The following DYM variants were observed in gnomAD, a reference collection of about 807,000 sequenced individuals.
The protein encoded by DYM is dymeclin.
A neutral mutation model predicts 93.1 loss-of-function variants in DYM; 78 were observed. The ratio of observed to expected loss-of-function variants is 0.84; its 90% CI spans 0.70 to 1.01. DYM has a LOEUF of 1.01. DYM is among the 50% of genes least tolerant of loss of function. The probability of loss-of-function intolerance (pLI) is 0.00; values close to 1 mark genes in which losing one functional copy is unlikely to be tolerated. For missense variants in DYM, 789 were observed against 845.0 expected, an observed-to-expected ratio of 0.93 and a Z score of 0.82; for synonymous variants, 321 against 319.7, an observed-to-expected ratio of 1.00 and a Z score of -0.04.
chr18:49,395,628 TA>T (rs138858038), intron 2 of DYM, among the ~76,000 whole-genome samples: 299 of 134,304 alleles, frequency 2.2e-3, no homozygotes, highest in Middle Eastern at 3.8e-3. Context: ...AAACTCTGTC[TA>T]AAAAAAAAAA....
intron 14 of DYM, among the ~76,000 whole-genome samples, chr18:49,202,122 G>A (rs1432358658): frequency 6.6e-6 from 1 of 152,224 alleles, no homozygotes; most frequent in Non-Finnish European, 1.5e-5. Context: ...CACCACGCAC[G>A]TTGGGTAGTC....
rs569741610 is a variant in DYM, at chr18:49,281,752, A to G, written c.1125+245T>C. Among the ~76,000 whole-genome samples, 3 of 152,286 alleles carry G rather than the reference A, an allele frequency of 2.0e-5. No individual in the cohort carries two copies. In the East Asian group the frequency reaches 5.8e-4, roughly 29 times the overall value. On this transcript the variant is annotated intron_variant, in intron 10 of 17. Transcript: ENST00000675505. ...CTCACTCATAGGTGGGAACTGAACA[A>G]TGAGAATACATGGACACAGGAAGGG...
chr18:49,331,534 T>C (rs925674304), intron 8 of DYM, among the ~76,000 whole-genome samples: 53 of 152,258 alleles, frequency 3.5e-4, no homozygotes, highest in Admixed American at 3.5e-3. Context: ...GATTTCCTCT[T>C]ATAATACAAG....
intron 14 of DYM, among the ~76,000 whole-genome samples, chr18:49,177,769 C>G (rs1374905518): frequency 6.6e-6 from 1 of 152,026 alleles, no homozygotes; most frequent in African/African-American, 2.4e-5. Context: ...AATACAAGTT[C>G]AAGGGCACAG....
intron 17 of DYM, among the ~76,000 whole-genome samples, chr18:49,078,206 A>C (rs1031936567): frequency 6.6e-6 from 1 of 152,208 alleles, no homozygotes; most frequent in Non-Finnish European, 1.5e-5. Flanking sequence ...GACCATAGTC[A>C]GTAAAAACTG....
At chr18:49,075,408 C>T (rs969495053) in intron 17 of DYM, among the ~76,000 whole-genome samples, 1 of 152,212 alleles carries the variant, frequency 6.6e-6, no homozygotes, top group Admixed American at 6.5e-5. Context: ...CATCCCATTA[C>T]TCCTTATCCC....
intron 2 of DYM, among the ~76,000 whole-genome samples, chr18:49,417,228 A>C (rs1176773852): frequency 6.6e-6 from 1 of 151,878 alleles, no homozygotes; most frequent in Non-Finnish European, 1.5e-5. Flanking sequence ...TAGTCACTAC[A>C]ACCTTGAACT....
At chr18:49,261,473 C>A (rs2094489639) in intron 11 of DYM, among the ~76,000 whole-genome samples, 1 of 152,204 alleles carries the variant, frequency 6.6e-6, no homozygotes. Flanking sequence ...GAGTTTGAGA[C>A]CAGCCTGGCC....
intron 8 of DYM, among the ~76,000 whole-genome samples, chr18:49,288,564 A>G (rs1335407077): frequency 6.6e-6 from 1 of 152,170 alleles, no homozygotes; most frequent in Non-Finnish European, 1.5e-5. Flanking sequence ...GGATCAACTG[A>G]GGTCAGGAGT....
chr18:49,440,987 A>T (rs1275100285), intron 1 of DYM, among the ~76,000 whole-genome samples: 2 of 2,438 alleles, frequency 8.2e-4, no homozygotes, highest in Non-Finnish European at 1.4e-3. Flanking sequence ...TATTATATAT[A>T]ATATATAATA....
At chr18:49,220,741 T>C (rs1044920346) in intron 13 of DYM, among the ~76,000 whole-genome samples, 8 of 152,304 alleles carry the variant, frequency 5.3e-5, no homozygotes, top group East Asian at 1.9e-4. Context: ...TTACATCTTA[T>C]ACAAAAATTA....
intron 5 of DYM, among the ~76,000 whole-genome samples, chr18:49,377,288 G>A (rs964954448): frequency 3.3e-5 from 5 of 152,212 alleles, no homozygotes; most frequent in South Asian, 2.1e-4. Context: ...GGCCGGGCAC[G>A]GTGGCTCATG....
chr18:49,450,639 T>C (rs2082445024), intron 1 of DYM, among the ~76,000 whole-genome samples: 2 of 152,256 alleles, frequency 1.3e-5, no homozygotes, highest in African/African-American at 4.8e-5. Flanking sequence ...CAGGATTATC[T>C]GACATGTTTA....
intron 17 of DYM, among the ~76,000 whole-genome samples, chr18:49,067,386 G>A (rs59480747): frequency 5.2e-4 from 9 of 17,322 alleles, no homozygotes; most frequent in South Asian, 1.5e-3. Context: ...GGTTCAGTAG[G>A]GGAAGGAGTA....
intron 1 of DYM, among the ~76,000 whole-genome samples, chr18:49,454,646 T>C (rs2082817862): frequency 6.6e-6 from 1 of 151,704 alleles, no homozygotes; most frequent in Non-Finnish European, 1.5e-5. Context: ...AGGCCTGTAA[T>C]CCCAACACTT....
At chr18:49,396,460 C>T (rs2070104785) in intron 2 of DYM, among the ~76,000 whole-genome samples, 1 of 152,102 alleles carries the variant, frequency 6.6e-6, no homozygotes, top group Non-Finnish European at 1.5e-5. Context: ...ATCCAAAAAT[C>T]CAAAATCCAA....
chr18:49,088,031 GT>G (rs1341559705), intron 17 of DYM, among the ~76,000 whole-genome samples: 1 of 152,010 alleles, frequency 6.6e-6, no homozygotes, highest in African/African-American at 2.4e-5. Context: ...TGTCAGATGA[GT>G]AGATTGCAAA....
chr18:49,153,203 C>T (rs376481185), intron 15 of DYM, among the ~76,000 whole-genome samples: 2 of 152,036 alleles, frequency 1.3e-5, no homozygotes, highest in African/African-American at 4.8e-5. Context: ...ATACATATAG[C>T]AAATCATGTC....
chr18:49,075,391 C>G (rs2077220714), intron 17 of DYM, among the ~76,000 whole-genome samples: 1 of 152,152 alleles, frequency 6.6e-6, no homozygotes, highest in Non-Finnish European at 1.5e-5. Context: ...GGATACTCCC[C>G]TACTCCCATC....
Sources: allele counts gnomAD v4.1 joint callset (sites outside exome capture counted in the v4.1 genomes callset), GRCh38; gene constraint gnomAD v4.1.1; transcripts MANE v1.5; gene names NCBI Gene and HGNC (gene_info 2026-07-23, HGNC 2026-07-21).